Variants in CPM observed in about 807,000 individuals in gnomAD.
CPM encodes carboxypeptidase M, also known as renal carboxypeptidase.
Under a neutral mutation model 46.4 loss-of-function variants are expected in CPM, and 35 were observed. The observed-to-expected ratio is 0.75, with a 90% CI of 0.58 to 1.00. The LOEUF (loss-of-function observed/expected upper bound fraction) is 1.00. Ranked by LOEUF, CPM falls within the 50% of genes least tolerant of loss-of-function variation. The probability of loss-of-function intolerance (pLI) is 0.00; values close to 1 mark genes in which losing one functional copy is unlikely to be tolerated. For synonymous variants in CPM, 195 were observed against 195.3 expected, an observed-to-expected ratio of 1.00 and a Z score of 0.01; for missense variants, 422 against 530.4, an observed-to-expected ratio of 0.80 and a Z score of 2.01.
At chr12:68,861,117 C>G (rs949544633) in intron 7 of CPM, among the ~76,000 whole-genome samples, 11 of 152,022 alleles carry the variant, frequency 7.2e-5, no homozygotes, top group African/African-American at 2.4e-4. Context: ...CCTGAGCTCA[C>G]ATGATCTACC....
chr12:68,871,715 CA>C (rs1885704123), intron 4 of CPM, 68 bp downstream of exon 4: 1 of 1,549,224 alleles, frequency 6.5e-7, no homozygotes, highest in South Asian at 1.2e-5. Flanking sequence ...TTGCCAAGGC[CA>C]ACAGGTGCCT....
chr12:68,948,590 G>A (rs1480770288), intron 1 of CPM, among the ~76,000 whole-genome samples: 4 of 152,036 alleles, frequency 2.6e-5, no homozygotes, highest in Admixed American at 6.6e-5. Context: ...TGCAGAATTG[G>A]GTTTTAAAAT....
chr12:68,914,758 C>T (rs1338200669), intron 2 of CPM, among the ~76,000 whole-genome samples: 14 of 152,072 alleles, frequency 9.2e-5, no homozygotes, highest in Non-Finnish European at 1.5e-5. Flanking sequence ...TAGGTCACCT[C>T]CACAGAAGTC....
intron 2 of CPM, among the ~76,000 whole-genome samples, chr12:68,919,931 G>T (rs1006930163): frequency 6.6e-6 from 1 of 152,218 alleles, no homozygotes; most frequent in African/African-American, 2.4e-5. Context: ...ATGCTGAAAT[G>T]TCATCCCCCA....
chr12:68,946,349 T>C, intron 1 of CPM, among the ~76,000 whole-genome samples: 1 of 152,236 alleles, frequency 6.6e-6, no homozygotes, highest in East Asian at 1.9e-4. Context: ...TTATTTGCTA[T>C]ATAGGCCTTT....
chr12:68,948,907 A>T (rs927752968), intron 1 of CPM, among the ~76,000 whole-genome samples: 2 of 152,328 alleles, frequency 1.3e-5, no homozygotes, highest in Non-Finnish European at 2.9e-5. Flanking sequence ...AGCCAGTGGC[A>T]GATTGGAGTG....
chr12:68,846,656 T>C (rs1490515730), downstream of CPM: 1 of 152,190 alleles, frequency 6.6e-6, no homozygotes, highest in Non-Finnish European at 1.5e-5. Context: ...AAAAACTTGC[T>C]TTTTGGATTT....
intron 5 of CPM, chr12:68,843,754 A>G (rs11556780): frequency 4.5e-6 from 1 of 223,660 alleles, no homozygotes; most frequent in Non-Finnish European, 8.9e-6. Flanking sequence ...TTAGTAGTTT[A>G]CCTGTGGAGG....
chr12:68,863,896 G>A (rs972930143), intron 7 of CPM, among the ~76,000 whole-genome samples: 1 of 152,144 alleles, frequency 6.6e-6, no homozygotes, highest in South Asian at 2.1e-4. Context: ...CCAATAAAGG[G>A]GTGTTTGCTG....
chr12:68,932,589 G>C (rs1888554632), intron 2 of CPM, 89 bp downstream of exon 2: 1 of 1,486,344 alleles, frequency 6.7e-7, no homozygotes, highest in African/African-American at 1.4e-5. Flanking sequence ...TAGGTGCGTG[G>C]AAGAGCAGAC....
intron 1 of CPM, among the ~76,000 whole-genome samples, chr12:68,941,196 T>C (rs1888755228): frequency 6.6e-6 from 1 of 151,708 alleles, no homozygotes; most frequent in South Asian, 2.1e-4. Flanking sequence ...TGTGTGTGTG[T>C]GTGTGTGTAT....
intron 3 of CPM, among the ~76,000 whole-genome samples, chr12:68,872,510 C>T (rs1309051106): frequency 6.6e-6 from 1 of 152,142 alleles, no homozygotes; most frequent in African/African-American, 2.4e-5. Flanking sequence ...GCCTCAGACA[C>T]CCAAAGTGCT....
At chr12:68,955,821 G>T (rs573385609) in intron 1 of CPM, among the ~76,000 whole-genome samples, 1 of 152,130 alleles carries the variant, frequency 6.6e-6, no homozygotes, top group South Asian at 2.1e-4. Context: ...GTTTATACAG[G>T]CTTTAGAGGG....
upstream of CPM, among the ~76,000 whole-genome samples, chr12:68,938,147 T>C (rs1316239447): frequency 2.0e-5 from 3 of 152,240 alleles, no homozygotes; most frequent in Non-Finnish European, 2.9e-5. Flanking sequence ...AACTAGACTT[T>C]GTGACTTTCA....
chr12:68,952,088 T>C (rs1338773693), intron 1 of CPM, among the ~76,000 whole-genome samples: 2 of 152,202 alleles, frequency 1.3e-5, no homozygotes, highest in African/African-American at 4.8e-5. Context: ...CAGAAGGACT[T>C]CATATCCAAG....
At chr12:68,920,960 C>T (rs1216897690) in intron 2 of CPM, among the ~76,000 whole-genome samples, 4 of 151,490 alleles carry the variant, frequency 2.6e-5, no homozygotes, top group African/African-American at 9.7e-5. Flanking sequence ...CCTTGGCCTT[C>T]CAAAGTGCTG....
At chr12:68,849,805 G>T (rs977028973), downstream of CPM, 2 of 151,244 alleles carry the variant, frequency 1.3e-5, no homozygotes, top group African/African-American at 4.9e-5. Context: ...TAGAGATGGG[G>T]TTTTGCTATG....
At chr12:68,843,715 C>G (rs1592608941) in intron 5 of CPM, 1 of 215,656 alleles carries the variant, frequency 4.6e-6, no homozygotes. Flanking sequence ...CTCTCTCTCT[C>G]TGTCTGTCTC....
chr12:68,861,686 G>A (rs1043247494), intron 7 of CPM, among the ~76,000 whole-genome samples: 1 of 151,526 alleles, frequency 6.6e-6, no homozygotes, highest in Non-Finnish European at 1.5e-5. Context: ...GCACCATCAC[G>A]CCCATCTTAT....
Sources: allele counts gnomAD v4.1 joint callset (sites outside exome capture counted in the v4.1 genomes callset), GRCh38; gene constraint gnomAD v4.1.1; transcripts MANE v1.5; gene names NCBI Gene and HGNC (gene_info 2026-07-23, HGNC 2026-07-21).